The following RNF180 variants were observed in gnomAD, a reference collection of about 807,000 sequenced individuals.
The protein encoded by RNF180 is E3 ubiquitin-protein ligase RNF180.
A neutral mutation model predicts 59.2 loss-of-function variants in RNF180; 38 were observed. The observed-to-expected ratio is 0.64, with a 90% confidence interval of 0.50 to 0.84. The LOEUF (loss-of-function observed/expected upper bound fraction) is 0.84, where lower values mean the gene tolerates loss of function less well. RNF180 is among the 40% of genes least tolerant of loss of function. The pLI is 0.00. For synonymous variants in RNF180, 262 were observed against 240.3 expected (o/e 1.09, Z -0.84); for missense variants, 705 against 700.9 (o/e 1.01, Z -0.07).
chr5:64,188,862 C>T lies in RNF180; in HGVS notation c.1-11946C>T, dbSNP rs1237800774. Among the ~76,000 whole-genome samples the T allele has an allele frequency of 2.0e-5, 3 of 152,200 alleles. No individual in the cohort carries two copies. The East Asian group carries it at 5.8e-4, about 29-fold the overall frequency. ...ATGGACTGAATTGTGTCCCTCACCG[C>T]CTGCCCCAAAATTCATATGTTAAAG... is the stretch of plus-strand genomic sequence containing the variant. On this transcript the variant is annotated intron_variant, in intron 1 of 7. Coordinates refer to ENST00000389100, the MANE Select transcript of RNF180 (RefSeq NM_001113561.2).
chr5:64,334,536 C>T (rs1745041619), intron 7 of RNF180, among the ~76,000 whole-genome samples: 1 of 150,104 alleles, frequency 6.7e-6, no homozygotes, highest in African/African-American at 2.4e-5. Flanking sequence ...ATTATTGAAG[C>T]ACCTTCTGTA....
intron 5 of RNF180, among the ~76,000 whole-genome samples, chr5:64,267,075 C>T (rs1002130675): frequency 1.3e-5 from 2 of 152,044 alleles, no homozygotes; most frequent in Non-Finnish European, 2.9e-5. Flanking sequence ...TCATATTCAG[C>T]TTCTCTACCT....
intron 7 of RNF180, among the ~76,000 whole-genome samples, chr5:64,339,029 C>T (rs1276885878): frequency 6.6e-6 from 1 of 150,952 alleles, no homozygotes; most frequent in African/African-American, 2.4e-5. Context: ...TATCTTTTTG[C>T]TGAGAATTTT....
chr5:64,298,176 T>G (rs1272832089), intron 5 of RNF180, among the ~76,000 whole-genome samples: 1 of 152,104 alleles, frequency 6.6e-6, no homozygotes, highest in Non-Finnish European at 1.5e-5. Flanking sequence ...TCCATCGATG[T>G]CCCTGCAAAG....
chr5:64,341,685 T>C (rs891963641), intron 7 of RNF180, among the ~76,000 whole-genome samples: 2 of 152,108 alleles, frequency 1.3e-5, no homozygotes, highest in Non-Finnish European at 2.9e-5. Flanking sequence ...TCTACAATCA[T>C]GAAGAGTAGA....
rs536913998 is a variant in RNF180, at chr5:64,272,703, G to A, written c.1228-52483G>A. ...GTGAGAGAGAGTGGTGGTTATAAACGTAGAAAGACAGGAATGGAGAAATTC... is the reference window on the plus strand; with the variant it reads ...GTGAGAGAGAGTGGTGGTTATAAACATAGAAAGACAGGAATGGAGAAATTC... On this transcript the variant is annotated intron_variant, in intron 5 of 7. Coordinates refer to ENST00000389100, the MANE Select transcript of RNF180 (RefSeq NM_001113561.2). 3.9e-5 allele frequency among the ~76,000 whole-genome samples: 6 copies of A among 152,102 alleles called. No homozygotes were observed. The South Asian group carries it at 8.3e-4, about 21-fold the overall frequency.
At chr5:64,300,625 A>C (rs1383332471) in intron 5 of RNF180, among the ~76,000 whole-genome samples, 1 of 151,708 alleles carries the variant, frequency 6.6e-6, no homozygotes, top group African/African-American at 2.4e-5. Context: ...ACTACTATAC[A>C]TTGTTCAAAT....
intron 7 of RNF180, among the ~76,000 whole-genome samples, chr5:64,356,868 T>C (rs1746049223): frequency 6.6e-6 from 1 of 151,882 alleles, no homozygotes; most frequent in Admixed American, 6.6e-5. Flanking sequence ...AGTTTCTGTT[T>C]GGGATAATGA....
chr5:64,166,502 A>T (rs1217922342), intron 1 of RNF180, among the ~76,000 whole-genome samples: 1 of 152,196 alleles, frequency 6.6e-6, no homozygotes, highest in Non-Finnish European at 1.5e-5. Flanking sequence ...ACTTTCTGCT[A>T]GGCAGAGGTC....
At chr5:64,190,066 A>G (rs1023381877) in intron 1 of RNF180, among the ~76,000 whole-genome samples, 5 of 152,092 alleles carry the variant, frequency 3.3e-5, no homozygotes, top group Non-Finnish European at 7.3e-5. Context: ...CAGTTTTAGC[A>G]GTTGAATATT....
At position 64,213,725 on chromosome 5, in the gene RNF180, AT is replaced by A. The variant is rs766599370; in HGVS notation, c.400del (p.Ser134GlnfsTer2). 2 of 1,614,196 alleles carry A rather than the reference AT, an allele frequency of 1.2e-6. No homozygotes were observed. Among genetic ancestry groups the A allele is most frequent in the African/African-American group, 2.7e-5 (2 of 75,058 alleles). On this transcript the variant is annotated frameshift_variant, in exon 4 of 8. Coordinates refer to ENST00000389100, the MANE Select transcript of RNF180 (RefSeq NM_001113561.2). LOFTEE classifies it high-confidence loss of function. ...PTQAGRLMRP[S>X]VKYLSHPRVQ... is the part of the protein sequence containing the mutation. The stretch of plus-strand genomic sequence containing the variant: ...CACAGGCAGGCAGACTAATGAGACC[AT>A]CAGTGAAATACTTGTCACATCCTAG...
At chr5:64,191,235 C>G (rs1400607045) in intron 1 of RNF180, among the ~76,000 whole-genome samples, 1 of 152,162 alleles carries the variant, frequency 6.6e-6, no homozygotes, top group Non-Finnish European at 1.5e-5. Flanking sequence ...TCTTACCATG[C>G]AGTTTCTCCT....
At chr5:64,362,466 A>G (rs889930562) in intron 7 of RNF180, among the ~76,000 whole-genome samples, 1 of 151,644 alleles carries the variant, frequency 6.6e-6, no homozygotes, top group Non-Finnish European at 1.5e-5. Context: ...TAGATACCAT[A>G]TTTTCTTTAT....
At chr5:64,355,321 G>A (rs1052061046) in intron 7 of RNF180, among the ~76,000 whole-genome samples, 1 of 151,860 alleles carries the variant, frequency 6.6e-6, no homozygotes, top group Non-Finnish European at 1.5e-5. Context: ...ATTTACAATA[G>A]CATCTAAAAG....
At chr5:64,255,740 G>C (rs1333450391) in intron 5 of RNF180, among the ~76,000 whole-genome samples, 1 of 152,274 alleles carries the variant, frequency 6.6e-6, no homozygotes, top group Non-Finnish European at 1.5e-5. Flanking sequence ...GGGTCAAATG[G>C]TATTTCTAGT....
chr5:64,321,245 A>G (rs112634853), intron 5 of RNF180, among the ~76,000 whole-genome samples: 3,302 of 152,302 alleles, frequency 0.022, 91 homozygotes, highest in African/African-American at 0.056. Flanking sequence ...TCGCTGTTGC[A>G]GATGACATGA....
chr5:64,276,395 A>G lies in RNF180; in HGVS notation c.1228-48791A>G, dbSNP rs143518433. Among the ~76,000 whole-genome samples, 182 of 118,674 alleles carry G rather than the reference A, an allele frequency of 1.5e-3. 1 individual carries two copies. The highest frequency in any genetic ancestry group is 5.9e-3 in the African/African-American group (167 of 28,352). The allele number at this position is 118,674 out of a possible 152,430, so 77.9% of individuals were successfully genotyped here. On this transcript the variant is annotated intron_variant, in intron 5 of 7. Coordinates refer to ENST00000389100, the MANE Select transcript of RNF180 (RefSeq NM_001113561.2). Reference sequence around the variant, plus strand: ...CATTGGTGTGTGTGTGTGTGTGTTTATTTATTTTCTCCACAAAGAAACAAA... The same window carrying G: ...CATTGGTGTGTGTGTGTGTGTGTTTGTTTATTTTCTCCACAAAGAAACAAA...
At chr5:64,217,998 G>T (rs1229139294) in intron 5 of RNF180, among the ~76,000 whole-genome samples, 1 of 151,942 alleles carries the variant, frequency 6.6e-6, no homozygotes, top group Non-Finnish European at 1.5e-5. Context: ...TCTTTTAAGG[G>T]TTCTTTATAT....
intron 5 of RNF180, among the ~76,000 whole-genome samples, chr5:64,265,830 G>A (rs955933572): frequency 7.2e-5 from 11 of 152,066 alleles, no homozygotes; most frequent in African/African-American, 2.4e-4. Context: ...CCATTTTCAC[G>A]ATACTGATTC....
Sources: gnomAD v4.1 joint callset for allele counts (sites outside exome capture counted in the v4.1 genomes callset) on GRCh38, gnomAD v4.1.1 for gene constraint, MANE v1.5 for transcripts, NCBI Gene and HGNC (gene_info 2026-07-23, HGNC 2026-07-21) for gene names.